The following MCM2 variants were observed in gnomAD, a reference collection of about 807,000 sequenced individuals.
MCM2 encodes the protein DNA replication licensing factor MCM2.
In MCM2, 49 loss-of-function variants were observed where a neutral mutation model predicts 86.4. The observed-to-expected ratio is 0.57, with a 90% CI of 0.45 to 0.72. The LOEUF is 0.72. Among genes scored for constraint, MCM2 ranks in the 30% least tolerant of loss-of-function variants. MCM2 has a pLI of 0.00. For missense variants in MCM2, 1,038 were observed against 1,259.9 expected (o/e 0.82, Z 2.67); for synonymous variants, 475 against 484.6 (o/e 0.98, Z 0.26).
intron 8 of MCM2, among the ~76,000 whole-genome samples, chr3:127,609,999 C>T (rs1162761715): frequency 6.6e-6 from 1 of 151,858 alleles, no homozygotes; most frequent in Admixed American, 6.6e-5. Flanking sequence ...CACACATCAC[C>T]GCACCTGACT....
chr3:127,613,225 C>G (rs542103978), intron 8 of MCM2, among the ~76,000 whole-genome samples: 1 of 152,190 alleles, frequency 6.6e-6, no homozygotes, highest in Admixed American at 6.5e-5. Flanking sequence ...ATTACCTCAT[C>G]CTGCAAGGTT....
Position 127,618,010 on chromosome 3 carries a change from G to C in MCM2, c.1942G>C (p.Asp648His). Residue 648 changes from aspartate (D) to histidine (H), a missense_variant, in exon 12 of 16, where the codon GAC (aspartate) becomes CAC (histidine). This residue lies in a region of MCM2 where 336 missense variants were observed against 425.7 expected (regional missense o/e 0.79). Coordinates refer to ENST00000265056, the MANE Select transcript of MCM2 (RefSeq NM_004526.4). The surrounding 1 kb of genome is among the most constrained non-coding windows in gnomAD (Gnocchi z 4.0). The stretch of plus-strand genomic sequence containing the variant: ...CTCGCTGACTTTCTCTGAGAACGTG[G>C]ACCTCACAGAGCCCATCATCTCACG... ...DPSLTFSENV[D>H]LTEPIISRFD... The C allele has an allele frequency of 6.2e-7, 1 of 1,614,070 alleles. No individual in the cohort carries two copies.
chr3:127,620,931 C>T, intron 14 of MCM2, 51 bp downstream of exon 14: 1 of 1,572,548 alleles, frequency 6.4e-7, no homozygotes, highest in Non-Finnish European at 8.6e-7. Context: ...GTGAAGGAGG[C>T]CACACGTGGG....
chr3:127,599,296 A>ACAAC (rs779892300), intron 1 of MCM2, 22 bp from the exon 2 acceptor site: 65 of 1,610,248 alleles, frequency 4.0e-5, no homozygotes, highest in Middle Eastern at 1.6e-4. Flanking sequence ...TAGGTTTCTG[A>ACAAC]CAACCGCACC....
At chr3:127,605,247 C>T in intron 4 of MCM2, 91 bp downstream of exon 4, 1 of 1,514,404 alleles carries the variant, frequency 6.6e-7, no homozygotes, top group Non-Finnish European at 9.0e-7. Flanking sequence ...ACACGTGAAG[C>T]ACAGGGCATA....
At chr3:127,620,664 C>A in intron 13 of MCM2, 34 bp from the exon 14 acceptor site, 1 of 1,539,986 alleles carries the variant, frequency 6.5e-7, no homozygotes, top group Non-Finnish European at 8.8e-7. Context: ...CTCTTTCCTG[C>A]CCGTGAAAGA....
At chr3:127,610,139 C>T (rs896267154) in intron 8 of MCM2, among the ~76,000 whole-genome samples, 4 of 152,094 alleles carry the variant, frequency 2.6e-5, no homozygotes, top group Non-Finnish European at 5.9e-5. Flanking sequence ...GCACCACGCC[C>T]GGCCTTCAAG....
intron 1 of MCM2, among the ~76,000 whole-genome samples, 181 bp downstream of exon 1, chr3:127,598,653 C>G (rs1300083706): frequency 6.6e-6 from 1 of 152,148 alleles, no homozygotes; most frequent in African/African-American, 2.4e-5. Context: ...TACCACTGAC[C>G]TGGGGCCCTG....
chr3:127,619,174 A>C lies in MCM2; in HGVS notation c.2161A>C (p.Lys721Gln), dbSNP rs773485274. 6.2e-7 allele frequency: 1 copy of C among 1,614,170 alleles called. No homozygotes were observed. Among genetic ancestry groups the C allele is most frequent in the Non-Finnish European group, 8.5e-7 (1 of 1,180,024 alleles). ...GVEPLPQEVL[K>Q]KYIIYAKERV... ...GGAGCCCCTGCCCCAGGAGGTCCTGAAGAAGTACATCATCTACGCCAAGGA... is the reference window on the plus strand; with the variant it reads ...GGAGCCCCTGCCCCAGGAGGTCCTGCAGAAGTACATCATCTACGCCAAGGA... The change falls in exon 13 of 16, where the codon AAG (lysine) becomes CAG (glutamine). Residue 721 changes from lysine to glutamine, a missense_variant. Physicochemically the swap from Lys to Gln is moderately conservative, Grantham distance 53. This residue lies in a region of MCM2 where 336 missense variants were observed against 425.7 expected (regional missense o/e 0.79). Coordinates refer to ENST00000265056, the MANE Select transcript of MCM2 (RefSeq NM_004526.4).
chr3:127,617,335 C>A lies in MCM2; in HGVS notation c.1830C>A (p.Ser610=). 6.2e-7 allele frequency: 1 copy of A among 1,614,124 alleles called. No homozygotes were observed. Among genetic ancestry groups the A allele is most frequent in the South Asian group, 1.1e-5 (1 of 91,080 alleles). Residue 610 remains serine, a synonymous_variant, in exon 11 of 16, where the codon TCC becomes TCA. Transcript: ENST00000265056. The surrounding 1 kb of genome is among the most constrained non-coding windows in gnomAD (Gnocchi z 4.1). Reference sequence around the variant, plus strand: ...AGGCCATGGAGCAACAGAGCATCTCCATCTCGAAGGCTGGCATCGTCACCT... The same window carrying A: ...AGGCCATGGAGCAACAGAGCATCTCAATCTCGAAGGCTGGCATCGTCACCT... ...IHEAMEQQSI[S]ISKAGIVTSL...
chr3:127,606,229 C>G lies in MCM2; in HGVS notation c.785C>G (p.Ala262Gly). ...PAELLQIFDE[A>G]ALEVVLAMYP... ...GAGCTGCTGCAGATCTTTGATGAGG[C>G]TGCCCTGGAGGTGGTACTGGCCATG... The change falls in exon 5 of 16, where the codon GCT becomes GGT. Residue 262 changes from alanine to glycine, a missense_variant. Ala to Gly is a moderately conservative substitution (Grantham distance 60). Around this residue, in one of 4 missense-constraint regions of MCM2, gnomAD observed 399 missense variants for 507.2 expected, o/e 0.79. Transcript: ENST00000265056. The surrounding 1 kb of genome is among the most constrained non-coding windows in gnomAD (Gnocchi z 4.2). 6.2e-7 allele frequency: 1 copy of G among 1,614,210 alleles called. No homozygotes were observed. Among genetic ancestry groups the G allele is most frequent in the African/African-American group, 1.3e-5 (1 of 75,068 alleles).
In MCM2 at chr3:127,608,404, G is replaced by C; in HGVS notation, c.1124G>C (p.Arg375Pro). The stretch of plus-strand genomic sequence containing the variant: ...CAGACCATCTATCAGAACTACCAGC[G>C]TATCCGAATCCAGGAGAGTCCAGGC... ...MEETIYQNYQ[R>P]IRIQESPGKV... Residue 375 changes from arginine to proline, a missense_variant, in exon 7 of 16, where the codon CGT becomes CCT. Transcript: ENST00000265056. 1 of 1,614,236 alleles carries C rather than the reference G, an allele frequency of 6.2e-7. No homozygotes were observed. Among genetic ancestry groups the C allele is most frequent in the Non-Finnish European group, 8.5e-7 (1 of 1,180,048 alleles).
In MCM2 at chr3:127,599,317, G is replaced by C. The variant is rs755272978; in HGVS notation, c.7-1G>C. The C allele has an allele frequency of 3.7e-6, 6 of 1,613,846 alleles. No individual in the cohort carries two copies. The highest frequency in any genetic ancestry group is 4.2e-6 in the Non-Finnish European group (5 of 1,179,862). ...TCTGACAACCGCACCTTCTCTTGCA[G>C]GAATCATCGGAATCCTTCACCATGG... On this transcript the variant is annotated splice_acceptor_variant, in intron 1 of 15. Transcript: ENST00000265056. LOFTEE classifies it high-confidence loss of function.
rs1205018623 is a variant in MCM2 at position 127,622,009 on chromosome 3, C to T, written c.*236C>T. 6.3e-6 allele frequency: 3 copies of T among 472,620 alleles called. No homozygotes were observed. The highest frequency in any genetic ancestry group is 1.1e-5 in the Non-Finnish European group (3 of 261,818). The allele number at this position is 472,620 out of a possible 1,614,324, so 29.3% of individuals were successfully genotyped here. Reference sequence around the variant, plus strand: ...TGTGTCTTACTTGGTTGCTGAACATCTTGCCACCTCCGAGTGCTTTGTCTC... The same window carrying T: ...TGTGTCTTACTTGGTTGCTGAACATTTTGCCACCTCCGAGTGCTTTGTCTC... On this transcript the variant is annotated 3_prime_UTR_variant, in exon 16 of 16. Transcript: ENST00000265056.
chr3:127,606,620 C>G lies in MCM2; in HGVS notation c.904C>G (p.Leu302Val). 1 of 1,614,028 alleles carries G rather than the reference C, an allele frequency of 6.2e-7. No homozygotes were observed. Among genetic ancestry groups the G allele is most frequent in the South Asian group, 1.1e-5 (1 of 91,080 alleles). ...CCTCTGCCTCCGCAGGCAGCTGCAT[C>G]TGAACCAGCTGATCCGCACCAGTGG... The part of the protein sequence containing the change: ...EELRSLRQLH[L>V]NQLIRTSGVV... Residue 302 changes from leucine (L) to valine (V), a missense_variant, in exon 6 of 16, where the codon CTG becomes GTG. Leu to Val is a conservative substitution (Grantham distance 32). This residue lies in a region of MCM2 where 399 missense variants were observed against 507.2 expected (regional missense o/e 0.79). Coordinates refer to ENST00000265056, the MANE Select transcript of MCM2 (RefSeq NM_004526.4). The surrounding 1 kb of genome is among the most constrained non-coding windows in gnomAD (Gnocchi z 4.2).
At chr3:127,614,852 T>C (rs985576705) in intron 8 of MCM2, among the ~76,000 whole-genome samples, 1 of 152,202 alleles carries the variant, frequency 6.6e-6, no homozygotes, top group East Asian at 1.9e-4. Context: ...CCTGGTTGTC[T>C]TTGAGTGATT....
Position 127,606,525 on chromosome 3 carries a change from T to G in MCM2, c.894-85T>G. The G allele has an allele frequency of 7.2e-7, 1 of 1,382,860 alleles. No individual in the cohort carries two copies. The highest frequency in any genetic ancestry group is 1.2e-5 in the South Asian group (1 of 83,050). The allele number at this position is 1,382,860 out of a possible 1,614,324, so 85.7% of individuals were successfully genotyped here. A position where few individuals can be genotyped will look rare whatever the true frequency, so the allele number is the denominator to read the frequency against. The stretch of plus-strand genomic sequence containing the variant: ...CCCGGGCTGGGGGCTGGGCCCAATT[T>G]CCAGGACAGTGTGTTGGGACACTCT... On this transcript the variant is annotated intron_variant, in intron 5 of 15. Coordinates refer to ENST00000265056, the MANE Select transcript of MCM2 (RefSeq NM_004526.4). The surrounding 1 kb of genome is among the most constrained non-coding windows in gnomAD (Gnocchi z 4.2).
chr3:127,610,175 C>T (rs562839019), intron 8 of MCM2, among the ~76,000 whole-genome samples: 1 of 152,262 alleles, frequency 6.6e-6, no homozygotes, highest in Admixed American at 6.5e-5. Context: ...GTTTTTAATG[C>T]AGAGCAGTTT....
chr3:127,605,539 C>T (rs1347522848), intron 4 of MCM2, among the ~76,000 whole-genome samples: 1 of 145,356 alleles, frequency 6.9e-6, no homozygotes, highest in African/African-American at 2.6e-5. Flanking sequence ...CTCCTGGGTT[C>T]AAGCGTTTCT....
Sources: gnomAD v4.1 joint callset for allele counts (sites outside exome capture counted in the v4.1 genomes callset) on GRCh38, gnomAD v4.1.1 for gene constraint, gnomAD v4.1.1 regional missense constraint, Gnocchi (gnomAD v3.1) non-coding constraint, MANE v1.5 for transcripts, NCBI Gene and HGNC (gene_info 2026-07-23, HGNC 2026-07-21) for gene names.